OR10J1: variants seen among roughly 807,000 people sequenced by gnomAD.
OR10J1 encodes olfactory receptor family 10 subfamily J member 1, also known as olfactory receptor 10J1.
For missense variants in OR10J1, 474 were observed against 376.6 expected (o/e 1.26, Z -2.14); for synonymous variants, 202 against 143.8 (o/e 1.40, Z -2.89).
chr1:159,398,018 T>C, the OR10J1 span, among the ~76,000 whole-genome samples: 1 of 152,296 alleles, frequency 6.6e-6, no homozygotes, highest in Admixed American at 6.5e-5. Flanking sequence ...CTTGTGTCAC[T>C]ACACCCCCAG....
At chr1:159,404,496 A>G in the OR10J1 span, among the ~76,000 whole-genome samples, 1 of 152,120 alleles carries the variant, frequency 6.6e-6, no homozygotes, top group Non-Finnish European at 1.5e-5. Context: ...TTACAGCTCA[A>G]ACATCATAGG....
the OR10J1 span, among the ~76,000 whole-genome samples, chr1:159,421,523 A>G: frequency 1.3e-5 from 2 of 151,920 alleles, no homozygotes; most frequent in Admixed American, 1.3e-4. Flanking sequence ...TGCTTTTTCC[A>G]ATTTTTTGAA....
chr1:159,420,989 T>A, the OR10J1 span, among the ~76,000 whole-genome samples: 6 of 152,142 alleles, frequency 3.9e-5, no homozygotes, highest in Admixed American at 2.0e-4. Flanking sequence ...ATTAAATAGG[T>A]TTCTAAACCT....
the OR10J1 span, among the ~76,000 whole-genome samples, chr1:159,420,288 T>A: frequency 6.6e-6 from 1 of 152,320 alleles, no homozygotes; most frequent in South Asian, 2.1e-4. Context: ...AGTCTATATC[T>A]TTTAAGTGGG....
At chr1:159,399,569 T>TC in the OR10J1 span, among the ~76,000 whole-genome samples, 2 of 40,760 alleles carry the variant, frequency 4.9e-5, no homozygotes, top group Non-Finnish European at 8.1e-5. Context: ...AGATTCTGTC[T>TC]CAAAAAAAAA....
At chr1:159,404,095 C>T in the OR10J1 span, among the ~76,000 whole-genome samples, 1 of 151,836 alleles carries the variant, frequency 6.6e-6, no homozygotes, top group South Asian at 2.1e-4. Context: ...TAGAGAGCAA[C>T]CAGAGGCTGA....
At chr1:159,399,273 G>C in the OR10J1 span, among the ~76,000 whole-genome samples, 1 of 151,966 alleles carries the variant, frequency 6.6e-6, no homozygotes, top group Non-Finnish European at 1.5e-5. Context: ...TACCAGGTCT[G>C]TCCTGTAAGA....
the OR10J1 span, among the ~76,000 whole-genome samples, chr1:159,427,311 T>C: frequency 1.3e-5 from 2 of 151,612 alleles, no homozygotes; most frequent in Non-Finnish European, 1.5e-5. Context: ...ATAATTATGA[T>C]GAATTTAAAT....
chr1:159,433,243 C>T (rs745769746), upstream of OR10J1: 3 of 396,794 alleles, frequency 7.6e-6, no homozygotes, highest in East Asian at 1.1e-4. Flanking sequence ...GGTGGCTGAT[C>T]TAGGCAGCAT....
chr1:159,439,770 T>A lies in OR10J1; in HGVS notation c.-22T>A. The A allele has an allele frequency of 6.2e-7, 1 of 1,613,600 alleles. No individual in the cohort carries two copies. Among genetic ancestry groups the A allele is most frequent in the African/African-American group, 1.3e-5 (1 of 74,990 alleles). Reference sequence around the variant, plus strand: ...ACTATGTGACTTTTATGCTTTTATGTTTCAGATTTGGGAACCAATCCATGA... The same window carrying A: ...ACTATGTGACTTTTATGCTTTTATGATTCAGATTTGGGAACCAATCCATGA... On this transcript the variant is annotated 5_prime_UTR_variant, in exon 1 of 1. The change creates a premature stop within an existing upstream ORF in the 5' untranslated region. Transcript: ENST00000423932.
chr1:159,411,862 A>C, the OR10J1 span, among the ~76,000 whole-genome samples: 26 of 152,034 alleles, frequency 1.7e-4, no homozygotes, highest in Non-Finnish European at 1.5e-5. Flanking sequence ...GAAGGAAATA[A>C]AGGGTATTCA....
At chr1:159,421,755 G>A in the OR10J1 span, among the ~76,000 whole-genome samples, 6 of 152,196 alleles carry the variant, frequency 3.9e-5, no homozygotes, top group South Asian at 1.0e-3. Flanking sequence ...TGCCAGGTGA[G>A]CTAGTCTTTG....
At chr1:159,432,867 T>C (rs997102815), upstream of OR10J1, 7 of 414,544 alleles carry the variant, frequency 1.7e-5, no homozygotes. Flanking sequence ...TATGTCCTAA[T>C]TGTCACCACC....
the OR10J1 span, among the ~76,000 whole-genome samples, chr1:159,409,366 T>C: frequency 3.3e-5 from 5 of 152,140 alleles, no homozygotes; most frequent in Non-Finnish European, 5.9e-5. Context: ...TTTTTAACTT[T>C]TTAGGCCTGT....
At chr1:159,432,319 C>A in the OR10J1 span, 2 of 401,224 alleles carry the variant, frequency 5.0e-6, no homozygotes, top group East Asian at 7.1e-5. Flanking sequence ...TACGTTTTGA[C>A]CCTTGCCAGC....
At chr1:159,424,336 T>G in the OR10J1 span, among the ~76,000 whole-genome samples, 4 of 151,256 alleles carry the variant, frequency 2.6e-5, no homozygotes, top group East Asian at 7.7e-4. Context: ...AATATGCACA[T>G]ACATATGATT....
the OR10J1 span, among the ~76,000 whole-genome samples, chr1:159,431,471 G>C: frequency 6.6e-6 from 1 of 152,116 alleles, no homozygotes; most frequent in African/African-American, 2.4e-5. Context: ...TCACTCTTTA[G>C]GTATGTCCCT....
At chr1:159,417,068 T>C in the OR10J1 span, among the ~76,000 whole-genome samples, 4 of 152,152 alleles carry the variant, frequency 2.6e-5, no homozygotes, top group African/African-American at 9.6e-5. Context: ...CTCTATTTCA[T>C]TTAGTTCTGC....
the OR10J1 span, among the ~76,000 whole-genome samples, chr1:159,429,892 C>G: frequency 4.7e-4 from 72 of 152,214 alleles, no homozygotes; most frequent in Non-Finnish European, 7.2e-4. Context: ...GGAAGATTCT[C>G]TGTGTGCTGT....
Sources: gnomAD v4.1 joint callset for allele counts (sites outside exome capture counted in the v4.1 genomes callset) on GRCh38, gnomAD v4.1.1 for gene constraint, MANE v1.5 for transcripts, NCBI Gene and HGNC (gene_info 2026-07-23, HGNC 2026-07-21) for gene names.